The following ROPN1L variants were observed in gnomAD, a reference collection of about 807,000 sequenced individuals.
ROPN1L encodes ropporin-1-like protein.
In ROPN1L, 23 loss-of-function variants were observed where a neutral mutation model predicts 22.7. The ratio of observed to expected loss-of-function variants is 1.01; its 90% confidence interval spans 0.73 to 1.43. ROPN1L has a LOEUF of 1.43. Ranked by LOEUF, ROPN1L falls within the 40% of genes most tolerant of loss-of-function variation. The pLI, the probability that ROPN1L is intolerant of heterozygous loss-of-function variation, is 0.00. For missense variants in ROPN1L, 271 were observed against 291.5 expected, an observed-to-expected ratio of 0.93 and a Z score of 0.51; for synonymous variants, 116 against 117.8, an observed-to-expected ratio of 0.98 and a Z score of 0.10.
At chr5:10,468,276 G>T (rs578022035), downstream of ROPN1L, among the ~76,000 whole-genome samples, 1 of 152,332 alleles carries the variant, frequency 6.6e-6, no homozygotes, top group East Asian at 1.9e-4. Context: ...GCCATTTAGT[G>T]GGGGAGCTTT....
intron 3 of ROPN1L, among the ~76,000 whole-genome samples, chr5:10,453,512 T>C (rs985453278): frequency 1.3e-5 from 2 of 152,224 alleles, no homozygotes; most frequent in South Asian, 4.1e-4. Context: ...AAAAAATACC[T>C]TCAAAAAGGA....
At chr5:10,461,877 G>A (rs1735037614) in intron 4 of ROPN1L, among the ~76,000 whole-genome samples, 1 of 152,218 alleles carries the variant, frequency 6.6e-6, no homozygotes, top group African/African-American at 2.4e-5. Context: ...GGTCTGGAAG[G>A]GTCTGGAGCA....
intron 2 of ROPN1L, 27 bp downstream of exon 2, chr5:10,448,410 C>T: frequency 1.9e-6 from 3 of 1,613,460 alleles, no homozygotes; most frequent in Non-Finnish European, 2.5e-6. Flanking sequence ...TCTCTGGCCT[C>T]AGGCAGCTGG....
At chr5:10,482,015 G>A in the ROPN1L span, 1 of 152,170 alleles carries the variant, frequency 6.6e-6, no homozygotes, top group African/African-American at 2.4e-5. Context: ...TGAATCACTT[G>A]AGGTCAGGAG....
At chr5:10,461,739 C>A (rs1735034693) in intron 4 of ROPN1L, among the ~76,000 whole-genome samples, 1 of 152,220 alleles carries the variant, frequency 6.6e-6, no homozygotes. Flanking sequence ...GTTCCCACAA[C>A]CCCTCCTTGG....
At chr5:10,473,939 T>C (rs2589651), downstream of ROPN1L, among the ~76,000 whole-genome samples, 27,948 of 151,718 alleles carry the variant, frequency 0.18, 3,735 homozygotes, top group East Asian at 0.66. Context: ...ATCTCCTGAG[T>C]GCAGGAGTTC....
At chr5:10,448,639 A>G (rs780650806) in intron 2 of ROPN1L, among the ~76,000 whole-genome samples, 79 of 152,200 alleles carry the variant, frequency 5.2e-4, no homozygotes, top group Admixed American at 2.1e-3. Flanking sequence ...AGTGAAATAT[A>G]ATTTCTTTTA....
chr5:10,448,778 G>A (rs1741161844), intron 2 of ROPN1L, among the ~76,000 whole-genome samples: 1 of 152,250 alleles, frequency 6.6e-6, no homozygotes, highest in East Asian at 1.9e-4. Flanking sequence ...GTAAGCCTCT[G>A]CCTTCTCTGT....
At chr5:10,476,446 C>A (rs972932137), downstream of ROPN1L, among the ~76,000 whole-genome samples, 4 of 152,238 alleles carry the variant, frequency 2.6e-5, no homozygotes, top group African/African-American at 4.8e-5. Context: ...ATGTGACTAA[C>A]AAAACAGTCC....
At chr5:10,464,168 G>A (rs1413053106) in intron 4 of ROPN1L, among the ~76,000 whole-genome samples, 1 of 152,096 alleles carries the variant, frequency 6.6e-6, no homozygotes, top group East Asian at 1.9e-4. Flanking sequence ...CCCACCATGG[G>A]CTGAGCCTCT....
the ROPN1L span, among the ~76,000 whole-genome samples, chr5:10,482,807 G>C: frequency 1.3e-5 from 2 of 152,184 alleles, no homozygotes; most frequent in South Asian, 2.1e-4. Flanking sequence ...AAATAATCTT[G>C]GATTTAAGGT....
At chr5:10,463,099 C>T (rs893881477) in intron 4 of ROPN1L, among the ~76,000 whole-genome samples, 9 of 152,132 alleles carry the variant, frequency 5.9e-5, no homozygotes, top group African/African-American at 9.7e-5. Flanking sequence ...TATATGACCC[C>T]GACACATTGC....
intron 3 of ROPN1L, among the ~76,000 whole-genome samples, chr5:10,458,559 C>A (rs1344965126): frequency 9.5e-6 from 1 of 105,452 alleles, no homozygotes; most frequent in Non-Finnish European, 2.0e-5. Context: ...ACCATCCCCC[C>A]CATGTACACC....
At chr5:10,458,341 T>A (rs1218416590) in intron 3 of ROPN1L, among the ~76,000 whole-genome samples, 10 of 151,864 alleles carry the variant, frequency 6.6e-5, no homozygotes, top group African/African-American at 9.7e-5. Flanking sequence ...GTATAGCGTG[T>A]CCATGCACTG....
At chr5:10,453,425 A>G (rs1029618185) in intron 3 of ROPN1L, among the ~76,000 whole-genome samples, 7 of 152,122 alleles carry the variant, frequency 4.6e-5, no homozygotes, top group Non-Finnish European at 1.0e-4. Context: ...GAGGTGTGCT[A>G]AGAACACAAA....
intron 1 of ROPN1L, among the ~76,000 whole-genome samples, chr5:10,443,418 C>T (rs1740948857): frequency 6.6e-6 from 1 of 151,372 alleles, no homozygotes. Context: ...GTCAGGAGAT[C>T]GAGACCATCC....
At chr5:10,465,040 TGA>T (rs1293494284), downstream of ROPN1L, 5 of 614,742 alleles carry the variant, frequency 8.1e-6, no homozygotes, top group South Asian at 3.2e-5. Flanking sequence ...CTCTGTAGTG[TGA>T]GTGTTTCTCT....
At chr5:10,469,079 T>C (rs1055843805), downstream of ROPN1L, among the ~76,000 whole-genome samples, 2 of 151,906 alleles carry the variant, frequency 1.3e-5, no homozygotes, top group African/African-American at 2.4e-5. Context: ...GGCGTGAACC[T>C]GGGAGGCGGA....
At chr5:10,482,160 G>A in the ROPN1L span, 1 of 148,912 alleles carries the variant, frequency 6.7e-6, no homozygotes, top group Non-Finnish European at 1.5e-5. Context: ...AACCCAGGAG[G>A]TGGAGATTGC....
Sources: gnomAD v4.1 joint callset for allele counts (sites outside exome capture counted in the v4.1 genomes callset) on GRCh38, gnomAD v4.1.1 for gene constraint, MANE v1.5 for transcripts, NCBI Gene and HGNC (gene_info 2026-07-23, HGNC 2026-07-21) for gene names.